The following OTOGL variants were observed in gnomAD, a reference collection of about 807,000 sequenced individuals.
The protein encoded by OTOGL is otogelin like.
OTOGL carries 285 observed loss-of-function variants against 318.5 expected under a neutral mutation model. That is an observed-to-expected ratio of 0.89 (90% CI 0.81 to 0.99). The LOEUF is 0.99. Ranked by LOEUF, OTOGL falls within the 50% of genes least tolerant of loss-of-function variation. The pLI is 0.00. For synonymous variants in OTOGL, 987 were observed against 936.5 expected (o/e 1.05, Z -0.99); for missense variants, 2,899 against 2,845.6 (o/e 1.02, Z -0.43).
rs190681446 is a variant in OTOGL at position 80,254,637 on chromosome 12, C to T, written c.1441+67C>T. ...CTTTAGACTGGGGAGAAAGATAGCA[C>T]TGATCTTTATGAAGACATCTCATAT... is the stretch of plus-strand genomic sequence containing the variant. On this transcript the variant is annotated intron_variant, in intron 15 of 58. Transcript: ENST00000547103. 89 of 1,288,440 alleles carry T rather than the reference C, an allele frequency of 6.9e-5. 1 individual carries two copies. In the African/African-American group the frequency reaches 1.2e-3, roughly 18 times the overall value. The allele number at this position is 1,288,440 out of a possible 1,614,324, so 79.8% of individuals were successfully genotyped here. A position where few individuals can be genotyped will look rare whatever the true frequency, so the allele number is the denominator to read the frequency against.
chr12:80,210,309 G>T (rs2137308576), intron 2 of OTOGL, among the ~76,000 whole-genome samples: 1 of 152,210 alleles, frequency 6.6e-6, no homozygotes, highest in East Asian at 1.9e-4. Context: ...TTTATTTTCA[G>T]TTGTTGATTT....
intron 35 of OTOGL, among the ~76,000 whole-genome samples, chr12:80,324,572 G>A (rs1338008277): frequency 6.6e-6 from 1 of 152,158 alleles, no homozygotes; most frequent in East Asian, 1.9e-4. Context: ...GGCATGATCT[G>A]ATTTATGTTT....
intron 1 of OTOGL, among the ~76,000 whole-genome samples, chr12:80,167,458 C>T (rs926237591): frequency 6.6e-6 from 1 of 151,920 alleles, no homozygotes; most frequent in African/African-American, 2.4e-5. Context: ...AGACTTGAAG[C>T]AAGGCAATAA....
chr12:80,127,815 C>A (rs1870953821), intron 1 of OTOGL, among the ~76,000 whole-genome samples: 1 of 152,186 alleles, frequency 6.6e-6, no homozygotes, highest in Admixed American at 6.5e-5. Context: ...GATACCCTTT[C>A]TTCCAGTTGA....
rs1875668245 is a variant in OTOGL at position 80,191,172 on chromosome 12, T to G, written c.-19-18241T>G. On this transcript the variant is annotated intron_variant, in intron 1 of 58. Coordinates refer to ENST00000547103, the MANE Select transcript of OTOGL (RefSeq NM_001378609.3). ...TTGGATACTGGCTGGGAGCAGTGGT[T>G]CATGCCTATAATCCCAGCATTTTGG... 2.0e-5 allele frequency among the ~76,000 whole-genome samples: 3 copies of G among 152,260 alleles called. No homozygotes were observed. The South Asian group carries it at 6.2e-4, about 32-fold the overall frequency.
At position 80,379,861 on chromosome 12, in the gene OTOGL, G is replaced by A. The variant is rs1891369562; in HGVS notation, c.*1813G>A. On this transcript the variant is annotated 3_prime_UTR_variant, in exon 59 of 59. Coordinates refer to ENST00000547103, the MANE Select transcript of OTOGL (RefSeq NM_001378609.3). ...TGCCAGGCACTATTATAAACTCTTG[G>A]GACACAGGCAAAACTAAACAGACAC... is the stretch of plus-strand genomic sequence containing the variant. 6.6e-6 allele frequency: 1 copy of A among 151,800 alleles called. No homozygotes were observed. Among genetic ancestry groups the A allele is most frequent in the Admixed American group, 6.6e-5 (1 of 15,210 alleles). 9.4% of individuals were successfully genotyped at this position (151,800 alleles called of 1,614,324 possible). A position where few individuals can be genotyped will look rare whatever the true frequency, so the allele number is the denominator to read the frequency against.
At chr12:80,288,006 A>G in intron 26 of OTOGL, among the ~76,000 whole-genome samples, 1 of 151,986 alleles carries the variant, frequency 6.6e-6, no homozygotes. Flanking sequence ...TGGTCTTTAT[A>G]TTTTGATATG....
intron 2 of OTOGL, among the ~76,000 whole-genome samples, 163 bp from the exon 3 acceptor site, chr12:80,210,682 TCA>T (rs1877179408): frequency 6.6e-6 from 1 of 152,124 alleles, no homozygotes; most frequent in Admixed American, 6.6e-5. Context: ...ATTCAGTGTC[TCA>T]CAGGAAATTT....
At chr12:80,273,883 A>C (rs1427333893) in intron 24 of OTOGL, among the ~76,000 whole-genome samples, 1 of 151,994 alleles carries the variant, frequency 6.6e-6, no homozygotes, top group African/African-American at 2.4e-5. Flanking sequence ...TGTTATGGTA[A>C]TCTGTAAACA....
At chr12:80,172,436 G>A (rs986664593) in intron 1 of OTOGL, among the ~76,000 whole-genome samples, 2 of 152,108 alleles carry the variant, frequency 1.3e-5, no homozygotes, top group Admixed American at 6.6e-5. Context: ...CTTATATTTT[G>A]TAAATCACAT....
rs563929979 is a variant in OTOGL at position 80,228,897 on chromosome 12, T to C, written c.490-360T>C. ...CTCCATTCAAAGCTCTGTTTTATGA[T>C]TCTCTAATAGGTAAAAAATACGGAT... On this transcript the variant is annotated intron_variant, in intron 7 of 58. Coordinates refer to ENST00000547103, the MANE Select transcript of OTOGL (RefSeq NM_001378609.3). 2.0e-5 allele frequency among the ~76,000 whole-genome samples: 3 copies of C among 152,326 alleles called. No individual in the cohort carries two copies. The East Asian group carries it at 5.8e-4, about 29-fold the overall frequency.
chr12:80,128,233 T>C, intron 1 of OTOGL, among the ~76,000 whole-genome samples: 1 of 152,188 alleles, frequency 6.6e-6, no homozygotes, highest in Non-Finnish European at 1.5e-5. Flanking sequence ...GGATGTCCTT[T>C]CTGTTTGTTA....
chr12:80,216,670 T>C (rs933963533), intron 4 of OTOGL, among the ~76,000 whole-genome samples: 2 of 152,150 alleles, frequency 1.3e-5, no homozygotes, highest in African/African-American at 4.8e-5. Context: ...GGAAGTGCCA[T>C]TGTTGTTCCC....
chr12:80,249,709 G>A (rs186655551), intron 11 of OTOGL, among the ~76,000 whole-genome samples: 4,075 of 152,202 alleles, frequency 0.027, 200 homozygotes, highest in African/African-American at 0.092. Flanking sequence ...CGAGCTTCCC[G>A]GCTGCTTTGT....
At chr12:80,249,408 G>T (rs1002326161) in intron 11 of OTOGL, among the ~76,000 whole-genome samples, 1 of 151,248 alleles carries the variant, frequency 6.6e-6, no homozygotes, top group Non-Finnish European at 1.5e-5. Context: ...CTGAAGGTCT[G>T]TTGGAATACC....
intron 34 of OTOGL, among the ~76,000 whole-genome samples, chr12:80,321,504 A>C (rs538745915): frequency 6.6e-6 from 1 of 152,324 alleles, no homozygotes; most frequent in East Asian, 1.9e-4. Flanking sequence ...GCAGCACACC[A>C]ACATCGCACA....
intron 1 of OTOGL, among the ~76,000 whole-genome samples, chr12:80,104,082 T>G (rs897071224): frequency 1.3e-5 from 2 of 152,178 alleles, no homozygotes; most frequent in African/African-American, 2.4e-5. Flanking sequence ...CTGAAGATGA[T>G]TAATGAAGCA....
rs369730291 is a variant in OTOGL, at chr12:80,279,115, T to C, written c.2877T>C (p.Phe959=). 7.0e-5 allele frequency: 111 copies of C among 1,594,962 alleles called. No homozygotes were observed. In the East Asian group the frequency reaches 1.7e-3, roughly 24 times the overall value. ...ACGGGGACCGACATTATTATTCTTT[T>C]GATGGACTAGAATATGACTATATCA... is the stretch of plus-strand genomic sequence containing the variant. ...TIYGDRHYYS[F]DGLEYDYISD... is the part of the protein sequence containing the mutation. Residue 959 remains phenylalanine, a synonymous_variant, in exon 26 of 59, where the codon TTT becomes TTC. Transcript: ENST00000547103.
rs779266647 is a variant in OTOGL, at chr12:80,335,975, G to T, written c.4435G>T (p.Asp1479Tyr). Reference protein sequence around the residue: ...TGLECEPQKFDPVYDCSQYIC... With the variant: ...TGLECEPQKFYPVYDCSQYIC... ...TTTTTATTAACAGCCTCAGAAATTTGATCCTGTTTATGATTGTAGCCAATA... is the reference window on the plus strand; with the variant it reads ...TTTTTATTAACAGCCTCAGAAATTTTATCCTGTTTATGATTGTAGCCAATA... The change falls in exon 39 of 59, where the codon GAT becomes TAT. Residue 1479 changes from aspartate (D) to tyrosine (Y), a missense_variant. By Grantham distance (160) the Asp-to-Tyr change is radical (BLOSUM62 -3). Around this residue, in one of 3 missense-constraint regions of OTOGL, gnomAD observed 2,607 missense variants for 2,524.9 expected, o/e 1.03. Transcript: ENST00000547103. The T allele has an allele frequency of 1.3e-6, 2 of 1,552,108 alleles. No homozygotes were observed. The highest frequency in any genetic ancestry group is 8.7e-7 in the Non-Finnish European group (1 of 1,155,860).
Sources: gnomAD v4.1 joint callset for allele counts (sites outside exome capture counted in the v4.1 genomes callset) on GRCh38, gnomAD v4.1.1 for gene constraint, gnomAD v4.1.1 regional missense constraint, MANE v1.5 for transcripts, NCBI Gene and HGNC (gene_info 2026-07-23, HGNC 2026-07-21) for gene names.